The following CNTLN variants were observed in gnomAD, a reference collection of about 807,000 sequenced individuals.
CNTLN encodes centlein, centrosomal protein.
CNTLN carries 212 observed loss-of-function variants against 180.0 expected under a neutral mutation model. That is an observed-to-expected ratio of 1.18 (90% confidence interval 1.05 to 1.32). CNTLN has a LOEUF of 1.32. CNTLN is among the 40% of genes most tolerant of loss of function. The pLI is 0.00. For synonymous variants in CNTLN, 722 were observed against 563.1 expected (o/e 1.28, Z -3.99); for missense variants, 2,095 against 1,610.9 (o/e 1.30, Z -5.14).
intron 3 of CNTLN, among the ~76,000 whole-genome samples, chr9:17,234,881 T>G (rs1484441194): frequency 1.3e-5 from 2 of 152,192 alleles, no homozygotes; most frequent in East Asian, 3.9e-4. Context: ...GATTTCATTT[T>G]TAGTAAGTTA....
chr9:17,293,462 C>T (rs1339265677), intron 6 of CNTLN, among the ~76,000 whole-genome samples: 1 of 152,228 alleles, frequency 6.6e-6, no homozygotes, highest in African/African-American at 2.4e-5. Context: ...TCCCTAAACC[C>T]CTGGCTGCAG....
At chr9:17,374,213 C>T (rs1267405222) in intron 13 of CNTLN, among the ~76,000 whole-genome samples, 3 of 151,978 alleles carry the variant, frequency 2.0e-5, no homozygotes, top group Non-Finnish European at 2.9e-5. Context: ...GCAAACTACC[C>T]ATCTAACAGG....
chr9:17,232,227 TTGTC>T (rs1824858385), intron 3 of CNTLN, among the ~76,000 whole-genome samples: 1 of 152,052 alleles, frequency 6.6e-6, no homozygotes, highest in Non-Finnish European at 1.5e-5. Flanking sequence ...GAGAGAATCT[TTGTC>T]TAACTTATTT....
chr9:17,395,020 G>A lies in CNTLN; in HGVS notation c.2566G>A (p.Val856Met), dbSNP rs1826409100. The A allele has an allele frequency of 6.2e-7, 1 of 1,613,338 alleles. No homozygotes were observed. Among genetic ancestry groups the A allele is most frequent in the Non-Finnish European group, 8.5e-7 (1 of 1,179,432 alleles). The change falls in exon 15 of 26, where the codon GTG (valine) becomes ATG (methionine). Residue 856 changes from valine to methionine, a missense_variant. By Grantham distance (21) the Val-to-Met change is conservative. Transcript: ENST00000380647. Reference protein sequence around the residue: ...LNHSIKVMSNVFENLSKDGWE... With the variant: ...LNHSIKVMSNMFENLSKDGWE... ...TCATTCCATCAAGGTTATGAGCAAT[G>A]TGTTTGAGAACCTCAGCAAGGACGG...
At chr9:17,473,170 T>G (rs994065841) in intron 23 of CNTLN, among the ~76,000 whole-genome samples, 5 of 152,072 alleles carry the variant, frequency 3.3e-5, no homozygotes, top group Middle Eastern at 3.2e-3. Context: ...ACCAAGAACT[T>G]CAGGTGGGCT....
intron 13 of CNTLN, among the ~76,000 whole-genome samples, chr9:17,376,747 G>A (rs1303304677): frequency 2.6e-5 from 4 of 152,048 alleles, no homozygotes; most frequent in East Asian, 3.9e-4. Flanking sequence ...CACCGCACCC[G>A]GCCATAACCA....
intron 10 of CNTLN, among the ~76,000 whole-genome samples, chr9:17,337,015 C>T (rs1821091107): frequency 1.3e-5 from 2 of 152,160 alleles, no homozygotes; most frequent in Admixed American, 6.5e-5. Context: ...TTCTAACTGG[C>T]ATGAGATGGT....
intron 18 of CNTLN, among the ~76,000 whole-genome samples, chr9:17,424,953 G>A (rs1272093935): frequency 6.6e-6 from 1 of 152,160 alleles, no homozygotes; most frequent in African/African-American, 2.4e-5. Flanking sequence ...GTATTCTGTT[G>A]TAGAAATAGA....
chr9:17,301,533 T>C, intron 7 of CNTLN: 1 of 984,986 alleles, frequency 1.0e-6, no homozygotes, highest in Non-Finnish European at 1.2e-6. Flanking sequence ...TTTTTGTTTC[T>C]CAGAGATTAC....
chr9:17,403,062 C>G (rs757086071), intron 15 of CNTLN, among the ~76,000 whole-genome samples: 2 of 151,580 alleles, frequency 1.3e-5, no homozygotes, highest in East Asian at 1.9e-4. Context: ...ATATCAAAAA[C>G]TTGGAAGGAA....
At chr9:17,214,466 T>A (rs531465820) in intron 2 of CNTLN, among the ~76,000 whole-genome samples, 2 of 152,324 alleles carry the variant, frequency 1.3e-5, no homozygotes, top group East Asian at 3.9e-4. Context: ...AACCCGACCT[T>A]TCTCTCTGGC....
intron 2 of CNTLN, among the ~76,000 whole-genome samples, chr9:17,157,791 A>T (rs1279106803): frequency 6.6e-6 from 1 of 152,210 alleles, no homozygotes; most frequent in Non-Finnish European, 1.5e-5. Context: ...AGTATAAGAA[A>T]ATGATCGCTT....
chr9:17,312,361 A>AT (rs1298928888), intron 8 of CNTLN, among the ~76,000 whole-genome samples: 3 of 15,540 alleles, frequency 1.9e-4, no homozygotes, highest in Non-Finnish European at 2.1e-4. Flanking sequence ...ATATATATAT[A>AT]TATTATATAT....
intron 2 of CNTLN, among the ~76,000 whole-genome samples, chr9:17,195,897 T>A (rs1822099727): frequency 6.6e-6 from 1 of 152,210 alleles, no homozygotes; most frequent in African/African-American, 2.4e-5. Context: ...TTATTATAGC[T>A]TTACATGAAA....
intron 2 of CNTLN, among the ~76,000 whole-genome samples, chr9:17,147,528 G>A (rs928162427): frequency 2.0e-5 from 3 of 151,984 alleles, no homozygotes; most frequent in Non-Finnish European, 4.4e-5. Flanking sequence ...TTTAGGTTTT[G>A]GATTATAGTT....
chr9:17,247,164 C>T (rs557190131), intron 5 of CNTLN, among the ~76,000 whole-genome samples: 211 of 152,248 alleles, frequency 1.4e-3, no homozygotes, highest in African/African-American at 4.7e-3. Flanking sequence ...ATGCACCTCA[C>T]GTCCACTGGC....
chr9:17,518,234 G>C, the CNTLN span, among the ~76,000 whole-genome samples: 1 of 151,638 alleles, frequency 6.6e-6, no homozygotes, highest in Non-Finnish European at 1.5e-5. Flanking sequence ...TTTTAGTAGA[G>C]ATGGGGGTTT....
chr9:17,368,294 G>T (rs991233438), intron 13 of CNTLN, among the ~76,000 whole-genome samples: 1 of 152,162 alleles, frequency 6.6e-6, no homozygotes, highest in African/African-American at 2.4e-5. Flanking sequence ...GGGAAGGACT[G>T]TGTCTGGTGG....
chr9:17,478,880 T>C (rs550577459), intron 23 of CNTLN, among the ~76,000 whole-genome samples: 1 of 152,320 alleles, frequency 6.6e-6, no homozygotes, highest in South Asian at 2.1e-4. Context: ...AGGCTTGTTG[T>C]ATGTTAAAAA....
Sources: allele counts gnomAD v4.1 joint callset (sites outside exome capture counted in the v4.1 genomes callset), GRCh38; gene constraint gnomAD v4.1.1; transcripts MANE v1.5; gene names NCBI Gene and HGNC (gene_info 2026-07-23, HGNC 2026-07-21).